The following FOXP1 variants were observed in gnomAD, a reference collection of about 807,000 sequenced individuals.
The protein encoded by FOXP1 is forkhead box P1.
Under a neutral mutation model 98.2 loss-of-function variants are expected in FOXP1, and 15 were observed. The ratio of observed to expected loss-of-function variants is 0.15; its 90% CI spans 0.10 to 0.24. The LOEUF is 0.24. Ranked by LOEUF, FOXP1 falls within the 10% of genes least tolerant of loss-of-function variation. The pLI is 1.00. For missense variants in FOXP1, 633 were observed against 848.5 expected (o/e 0.75, Z 3.15); for synonymous variants, 371 against 314.5 (o/e 1.18, Z -1.90).
At chr3:71,091,129 G>GTGTGTGTGTGTA (rs3064142) in intron 7 of FOXP1, among the ~76,000 whole-genome samples, 1,678 of 122,356 alleles carry the variant, frequency 0.014, 41 homozygotes, top group African/African-American at 0.04. Flanking sequence ...GTGTGTGTGT[G>GTGTGTGTGTGTA]TGTATTCTTA....
intron 3 of FOXP1, among the ~76,000 whole-genome samples, chr3:71,485,540 G>A (rs944447208): frequency 5.3e-5 from 8 of 152,214 alleles, no homozygotes; most frequent in South Asian, 4.1e-4. Flanking sequence ...AGGCCAAGGC[G>A]GGCAGATCAC....
In FOXP1 at chr3:71,396,977, TATATGTGTATATATATAC is replaced by T. The variant is rs2081467149; in HGVS notation, c.-167-37751_-167-37734del. On this transcript the variant is annotated intron_variant, in intron 3 of 20. Transcript: ENST00000649528. ...ATATATATATATGTGTGTATATATA[TATATGTGTATATATATAC>T]ACATATATATGTGTATATATATATA... Among the ~76,000 whole-genome samples, 6 of 60,274 alleles carry T rather than the reference TATATGTGTATATATATAC, an allele frequency of 1.0e-4. 3 individuals carry two copies. The South Asian group carries it at 3.1e-3, about 31-fold the overall frequency. 39.5% of individuals were successfully genotyped at this position (60,274 alleles called of 152,430 possible).
Position 71,391,636 on chromosome 3 carries a change from G to A in FOXP1, c.-167-32392C>T, listed in dbSNP as rs144015369. Among the ~76,000 whole-genome samples, 159 of 152,274 alleles carry A rather than the reference G, an allele frequency of 1.0e-3. 1 individual carries two copies. The highest frequency in any genetic ancestry group is 6.4e-3 in the Admixed American group (98 of 15,292). On this transcript the variant is annotated intron_variant, in intron 3 of 20. Transcript: ENST00000649528. ...ACAAGGTTCAAGTTAACTGCGGAGC[G>A]TTACTACACTGAACATCTGGTCATG...
intron 3 of FOXP1, among the ~76,000 whole-genome samples, chr3:71,359,803 T>G (rs1468199124): frequency 6.6e-6 from 1 of 152,056 alleles, no homozygotes; most frequent in African/African-American, 2.4e-5. Flanking sequence ...CTGCAATTAT[T>G]TTTCCAGACA....
chr3:71,269,839 T>A (rs2070155146), intron 5 of FOXP1, among the ~76,000 whole-genome samples: 1 of 152,240 alleles, frequency 6.6e-6, no homozygotes, highest in African/African-American at 2.4e-5. Context: ...TGATTGTTTT[T>A]GCCCACTGAT....
chr3:71,547,802 C>T (rs1352581093), intron 2 of FOXP1, among the ~76,000 whole-genome samples: 1 of 152,196 alleles, frequency 6.6e-6, no homozygotes, highest in Non-Finnish European at 1.5e-5. Context: ...TGTGACTATT[C>T]AATCCTTTGG....
At chr3:71,555,006 A>C (rs1312941991) in intron 2 of FOXP1, among the ~76,000 whole-genome samples, 1 of 152,234 alleles carries the variant, frequency 6.6e-6, no homozygotes, top group Non-Finnish European at 1.5e-5. Flanking sequence ...GTAATATTTC[A>C]GTAAACAAGC....
At chr3:70,996,266 G>A (rs879515200) in intron 13 of FOXP1, among the ~76,000 whole-genome samples, 2 of 152,188 alleles carry the variant, frequency 1.3e-5, no homozygotes, top group Non-Finnish European at 2.9e-5. Flanking sequence ...TTACAGGCGT[G>A]AGCCACCACG....
chr3:71,041,657 T>C, intron 10 of FOXP1, 125 bp from the exon 11 acceptor site: 1 of 893,908 alleles, frequency 1.1e-6, no homozygotes, highest in Admixed American at 2.0e-5. Context: ...TGTGTGCAGT[T>C]TTTTTTCCCC....
intron 5 of FOXP1, among the ~76,000 whole-genome samples, chr3:71,263,813 C>T (rs913801918): frequency 4.1e-4 from 62 of 151,990 alleles, no homozygotes; most frequent in African/African-American, 1.1e-3. Flanking sequence ...GAGTGATTCA[C>T]GGCTCACTAC....
intron 2 of FOXP1, chr3:71,570,197 T>C (rs1336543440): frequency 6.6e-6 from 1 of 151,918 alleles, no homozygotes; most frequent in Non-Finnish European, 1.5e-5. Context: ...CCCCACTGCC[T>C]CCTCATTATG....
intron 4 of FOXP1, among the ~76,000 whole-genome samples, chr3:71,318,207 T>C (rs1355330952): frequency 6.6e-6 from 1 of 151,140 alleles, no homozygotes; most frequent in Non-Finnish European, 1.5e-5. Flanking sequence ...GACTCAGGCA[T>C]GAAAATAGAG....
intron 3 of FOXP1, among the ~76,000 whole-genome samples, chr3:71,397,938 A>C (rs2081656971): frequency 6.6e-6 from 1 of 152,204 alleles, no homozygotes. Context: ...GAGACAGGGA[A>C]AGAAGGAAGA....
chr3:71,344,928 G>A (rs143633509), intron 4 of FOXP1, among the ~76,000 whole-genome samples: 13 of 152,296 alleles, frequency 8.5e-5, no homozygotes, highest in African/African-American at 2.9e-4. Flanking sequence ...ATTACTTAGT[G>A]CTAAGATCAT....
At chr3:71,293,178 C>T (rs1005526366) in intron 5 of FOXP1, among the ~76,000 whole-genome samples, 1 of 152,180 alleles carries the variant, frequency 6.6e-6, no homozygotes, top group Non-Finnish European at 1.5e-5. Flanking sequence ...AGGAAAGGCT[C>T]TATTTCCTAC....
Position 71,397,001 on chromosome 3 carries a change from TATATGTGTATATATATATATATAC to T in FOXP1, c.-167-37781_-167-37758del, listed in dbSNP as rs1560424873. ...ATATATGTGTATATATATACACATATATATGTGTATATATATATATATACATATATATGTGTATATATATATACA... is the reference window on the plus strand; with the variant it reads ...ATATATGTGTATATATATACACATATATATATATGTGTATATATATATACA... On this transcript the variant is annotated intron_variant, in intron 3 of 20. Transcript: ENST00000649528. Among the ~76,000 whole-genome samples the T allele has an allele frequency of 5.3e-3, 398 of 74,442 alleles. 38 individuals carry two copies. The highest frequency in any genetic ancestry group is 0.021 in the African/African-American group (338 of 16,440). 48.8% of individuals were successfully genotyped at this position (74,442 alleles called of 152,430 possible).
At chr3:71,560,248 G>A (rs1022331135) in intron 2 of FOXP1, among the ~76,000 whole-genome samples, 4 of 152,140 alleles carry the variant, frequency 2.6e-5, no homozygotes, top group South Asian at 2.1e-4. Context: ...ATGTGACTAC[G>A]ATTGACTCTT....
At chr3:71,483,903 A>G (rs1372903243) in intron 3 of FOXP1, among the ~76,000 whole-genome samples, 4 of 152,196 alleles carry the variant, frequency 2.6e-5, no homozygotes, top group African/African-American at 7.2e-5. Flanking sequence ...ACCTACCTCC[A>G]TATTAGGACC....
At chr3:71,509,340 T>C (rs745587204) in intron 2 of FOXP1, among the ~76,000 whole-genome samples, 10 of 152,150 alleles carry the variant, frequency 6.6e-5, no homozygotes, top group Non-Finnish European at 1.5e-4. Flanking sequence ...GAGGCCCCTC[T>C]TTTTGGCCAT....
Sources: gnomAD v4.1 joint callset for allele counts (sites outside exome capture counted in the v4.1 genomes callset) on GRCh38, gnomAD v4.1.1 for gene constraint, MANE v1.5 for transcripts, NCBI Gene and HGNC (gene_info 2026-07-23, HGNC 2026-07-21) for gene names.